The following ABCC5 variants were observed in gnomAD, a reference collection of about 807,000 sequenced individuals.
ABCC5 encodes ATP-binding cassette sub-family C member 5.
In ABCC5, 61 loss-of-function variants were observed where a neutral mutation model predicts 160.9. That is an observed-to-expected ratio of 0.38 (90% CI 0.31 to 0.47). ABCC5 has a LOEUF of 0.47. ABCC5 is among the 20% of genes least tolerant of loss of function. The pLI, the probability that ABCC5 is intolerant of heterozygous loss-of-function variation, is 0.99. For missense variants in ABCC5, 1,308 were observed against 1,813.3 expected (o/e 0.72, Z 5.06); for synonymous variants, 666 against 700.6 (o/e 0.95, Z 0.78).
chr3:183,958,013 TACATC>T (rs1214965816), intron 17 of ABCC5, among the ~76,000 whole-genome samples: 5 of 151,890 alleles, frequency 3.3e-5, no homozygotes, highest in Admixed American at 2.6e-4. Flanking sequence ...GATCCGTGTG[TACATC>T]ACATCGGTTA....
intron 25 of ABCC5, among the ~76,000 whole-genome samples, chr3:183,939,641 A>G (rs1476954367): frequency 1.3e-5 from 2 of 152,202 alleles, no homozygotes; most frequent in East Asian, 3.9e-4. Context: ...CACCTCAGAC[A>G]ATTTCCTTGG....
intron 25 of ABCC5, 132 bp downstream of exon 25, chr3:183,942,595 A>C (rs1714476776): frequency 1.8e-6 from 2 of 1,135,792 alleles, no homozygotes; most frequent in Middle Eastern, 1.9e-4. Context: ...AACCTAGAAA[A>C]TTGGTTTCAG....
At position 183,953,101 on chromosome 3, in the gene ABCC5, G is replaced by T. The variant is rs1392217437; in HGVS notation, c.2652C>A (p.Ile884=). 6.2e-7 allele frequency: 1 copy of T among 1,613,654 alleles called. No individual in the cohort carries two copies. Among genetic ancestry groups the T allele is most frequent in the African/African-American group, 1.3e-5 (1 of 74,894 alleles). The change falls in exon 18 of 30, where the codon ATC becomes ATA. Residue 884 remains isoleucine, a synonymous_variant. Coordinates refer to ENST00000334444, the MANE Select transcript of ABCC5 (RefSeq NM_005688.4). ...GTAACCTTACCCCGCTTCCTTGCTT[G>T]ATCCAGTAACTCAACCACCAGGTGC... ...AFSTWWLSYW[I]KQGSGNTTVT...
chr3:184,000,027 G>A (rs1720617479), intron 2 of ABCC5, among the ~76,000 whole-genome samples: 1 of 151,996 alleles, frequency 6.6e-6, no homozygotes, highest in South Asian at 2.1e-4. Flanking sequence ...TTTTGCGTAA[G>A]GAAATTAGCA....
chr3:183,930,457 A>G (rs1713069184), intron 26 of ABCC5, among the ~76,000 whole-genome samples: 1 of 152,248 alleles, frequency 6.6e-6, no homozygotes, highest in African/African-American at 2.4e-5. Context: ...TCTCCCCAAA[A>G]GACACCTAAG....
chr3:183,951,842 C>T lies in ABCC5; in HGVS notation c.2814+15G>A, dbSNP rs1715384271. The T allele has an allele frequency of 1.9e-6, 3 of 1,610,300 alleles. No individual in the cohort carries two copies. The highest frequency in any genetic ancestry group is 1.3e-5 in the African/African-American group (1 of 74,996). On this transcript the variant is annotated intron_variant, in intron 19 of 29. Transcript: ENST00000334444. The surrounding 1 kb of genome is among the most constrained non-coding windows in gnomAD (Gnocchi z 4.7). ...TCACCAGGGAGGAGGGCAGAGACCACCCACCAATGCATACCTTGACAAAGA... is the reference window on the plus strand; with the variant it reads ...TCACCAGGGAGGAGGGCAGAGACCATCCACCAATGCATACCTTGACAAAGA...
rs1486165256 is a variant in ABCC5 at position 183,963,414 on chromosome 3, T to C, written c.2206A>G (p.Thr736Ala). 5.6e-6 allele frequency: 9 copies of C among 1,614,098 alleles called. No homozygotes were observed. Among genetic ancestry groups the C allele is most frequent in the Admixed American group, 1.7e-5 (1 of 60,006 alleles). The change falls in exon 15 of 30, where the codon ACA (threonine) becomes GCA (alanine). Residue 736 changes from threonine (T) to alanine (A), a missense_variant. Transcript: ENST00000334444. This position sits in a 1 kb window ranked among gnomAD's most constrained non-coding sequence, Gnocchi z 4.6. ...SAIRKHLKSKTVLFVTHQLQY... is the reference protein window; with the variant it reads ...SAIRKHLKSKAVLFVTHQLQY... ...AACTGGTGGGTAACAAACAGAACTG[T>C]CTTGGACTTGAGATGTTTCCGGATA...
In ABCC5 at chr3:183,978,615, G is replaced by A; in HGVS notation, c.1184C>T (p.Ala395Val). The A allele has an allele frequency of 2.5e-6, 4 of 1,613,668 alleles. No individual in the cohort carries two copies. The highest frequency in any genetic ancestry group is 3.4e-6 in the Non-Finnish European group (4 of 1,179,914). The change falls in exon 9 of 30, where the codon GCT (alanine) becomes GTT (valine). Residue 395 changes from alanine to valine, a missense_variant. Ala to Val is a moderately conservative substitution (Grantham distance 64). Coordinates refer to ENST00000334444, the MANE Select transcript of ABCC5 (RefSeq NM_005688.4). Reference protein sequence around the residue: ...REEERRILEKAGYFQSITVGV... With the variant: ...REEERRILEKVGYFQSITVGV... ...CACAGTGATGCTCTGGAAGTACCCA[G>A]CTTTTTCCAATATCCGACGCTCCTC...
chr3:184,017,457 T>TGCCCGGGCC lies in ABCC5; in HGVS notation c.-56+364_-56+372dup, dbSNP rs1319605298. 6.6e-6 allele frequency: 1 copy of TGCCCGGGCC among 152,176 alleles called. No individual in the cohort carries two copies. 9.4% of individuals were successfully genotyped at this position (152,176 alleles called of 1,614,324 possible). ...TCTCTCAGACCCGCTTCGCCTGGGA[T>TGCCCGGGCC]GCCCGGGCCCTAGGGCGTTCCCACA... On this transcript the variant is annotated intron_variant, in intron 1 of 29. Transcript: ENST00000334444. This position sits in a 1 kb window ranked among gnomAD's most constrained non-coding sequence, Gnocchi z 4.5.
intron 17 of ABCC5, among the ~76,000 whole-genome samples, chr3:183,957,577 G>C (rs573801623): frequency 5.9e-5 from 9 of 151,662 alleles, no homozygotes; most frequent in Non-Finnish European, 1.2e-4. Context: ...CATCACATCG[G>C]TTACATGCTT....
chr3:183,931,919 G>C (rs1021262098), intron 26 of ABCC5, among the ~76,000 whole-genome samples: 2 of 152,228 alleles, frequency 1.3e-5, no homozygotes, highest in Non-Finnish European at 2.9e-5. Flanking sequence ...GGATAGAAAA[G>C]TGTCTGAACA....
chr3:183,964,215 A>G (rs1166157771), intron 14 of ABCC5, among the ~76,000 whole-genome samples: 1 of 152,180 alleles, frequency 6.6e-6, no homozygotes, highest in Non-Finnish European at 1.5e-5. Context: ...TCTTTTCATC[A>G]GATTATTTTG....
chr3:184,008,635 G>A (rs924531181), intron 2 of ABCC5, among the ~76,000 whole-genome samples: 5 of 152,236 alleles, frequency 3.3e-5, no homozygotes, highest in Non-Finnish European at 7.3e-5. Context: ...CTAAGCATAC[G>A]TGAGAAATTA....
intron 1 of ABCC5, among the ~76,000 whole-genome samples, chr3:184,015,625 G>A (rs1722127768): frequency 6.6e-6 from 1 of 151,748 alleles, no homozygotes; most frequent in South Asian, 2.1e-4. Context: ...AAGAAAGCTT[G>A]ATTTCTTGCC....
chr3:183,923,914 T>G (rs1373326629), intron 29 of ABCC5, among the ~76,000 whole-genome samples: 1 of 152,138 alleles, frequency 6.6e-6, no homozygotes, highest in Non-Finnish European at 1.5e-5. Context: ...TTCTCCACAA[T>G]TTAGACAGTG....
chr3:184,005,108 G>C (rs1413535174), intron 2 of ABCC5, among the ~76,000 whole-genome samples: 1 of 152,066 alleles, frequency 6.6e-6, no homozygotes, highest in African/African-American at 2.4e-5. Flanking sequence ...GCTGTATTCT[G>C]AGCCACCGAA....
At chr3:183,970,264 G>T (rs879671665) in intron 11 of ABCC5, among the ~76,000 whole-genome samples, 2 of 152,038 alleles carry the variant, frequency 1.3e-5, no homozygotes, top group Non-Finnish European at 2.9e-5. Context: ...CTGTGTTTCT[G>T]TTCCTTTGGC....
chr3:183,981,916 A>G, intron 7 of ABCC5, 42 bp from the exon 8 acceptor site: 1 of 1,570,628 alleles, frequency 6.4e-7, no homozygotes, highest in Non-Finnish European at 8.6e-7. Flanking sequence ...AAGCTCATTC[A>G]AACTTGAGAA....
At chr3:183,941,632 T>A (rs1465588909) in intron 25 of ABCC5, among the ~76,000 whole-genome samples, 1 of 151,054 alleles carries the variant, frequency 6.6e-6, no homozygotes, top group Admixed American at 6.6e-5. Flanking sequence ...TATACAAGGA[T>A]AAAAAGGACA....
Sources: gnomAD v4.1 joint callset for allele counts (sites outside exome capture counted in the v4.1 genomes callset) on GRCh38, gnomAD v4.1.1 for gene constraint, Gnocchi (gnomAD v3.1) non-coding constraint, MANE v1.5 for transcripts, NCBI Gene and HGNC (gene_info 2026-07-23, HGNC 2026-07-21) for gene names.